NRP2: variants seen among roughly 807,000 people sequenced by gnomAD.
NRP2 encodes neuropilin-2.
Under a neutral mutation model 110.4 loss-of-function variants are expected in NRP2, and 52 were observed. The ratio of observed to expected loss-of-function variants is 0.47; its 90% CI spans 0.38 to 0.59. The LOEUF (loss-of-function observed/expected upper bound fraction) is 0.59. NRP2 is among the 20% of genes least tolerant of loss of function. The pLI is 0.00. For missense variants in NRP2, 1,049 were observed against 1,203.0 expected (o/e 0.87, Z 1.89); for synonymous variants, 508 against 468.9 (o/e 1.08, Z -1.08).
At chr2:205,723,967 T>C (rs780228623) in intron 5 of NRP2, 27 bp downstream of exon 5, 5 of 1,613,494 alleles carry the variant, frequency 3.1e-6, no homozygotes, top group South Asian at 2.2e-5. Context: ...GGAACCTCTG[T>C]CCTGTCCTTC....
chr2:205,778,611 T>C (rs1204859354), intron 15 of NRP2: 1 of 152,182 alleles, frequency 6.6e-6, no homozygotes, highest in Non-Finnish European at 1.5e-5. Context: ...GCCTGCGAAA[T>C]GATTGACATT....
intron 10 of NRP2, among the ~76,000 whole-genome samples, chr2:205,748,591 A>G (rs192487147): frequency 1.3e-5 from 2 of 152,344 alleles, no homozygotes; most frequent in South Asian, 2.1e-4. Flanking sequence ...AAAGCTATTC[A>G]GCGTATTTAG....
chr2:205,770,026 C>T (rs1281238539), intron 15 of NRP2, among the ~76,000 whole-genome samples: 3 of 152,032 alleles, frequency 2.0e-5, no homozygotes, highest in South Asian at 2.1e-4. Flanking sequence ...AGTTTTTGTT[C>T]GTGTTAGAGG....
chr2:205,764,224 A>G (rs2057873888), intron 13 of NRP2: 1 of 449,670 alleles, frequency 2.2e-6, no homozygotes, highest in Admixed American at 3.9e-5. Context: ...TGACAAAGGG[A>G]CACAGAAGCC....
intron 1 of NRP2, among the ~76,000 whole-genome samples, chr2:205,690,579 T>TACACAC (rs10591632): frequency 3.5e-3 from 430 of 124,266 alleles, no homozygotes; most frequent in South Asian, 0.01. Context: ...CTGCTAAAAA[T>TACACAC]ACACACACAC....
At chr2:205,741,098 C>G (rs188490482) in intron 8 of NRP2, among the ~76,000 whole-genome samples, 1 of 152,214 alleles carries the variant, frequency 6.6e-6, no homozygotes, top group Non-Finnish European at 1.5e-5. Context: ...GCTGCCTCAA[C>G]CGGGGGCCAA....
chr2:205,794,709 A>C (rs777513278), intron 16 of NRP2, 45 bp from the exon 17 acceptor site: 1 of 1,598,306 alleles, frequency 6.3e-7, no homozygotes, highest in Admixed American at 1.7e-5. Context: ...CTTCACCCTG[A>C]CATAGGCAGT....
intron 7 of NRP2, among the ~76,000 whole-genome samples, chr2:205,731,065 A>C (rs2057229366): frequency 2.0e-5 from 3 of 152,232 alleles, no homozygotes; most frequent in South Asian, 4.1e-4. Context: ...CCACATGCAC[A>C]GCACATCCCA....
intron 2 of NRP2, among the ~76,000 whole-genome samples, chr2:205,700,092 T>C (rs910928171): frequency 1.3e-5 from 2 of 152,200 alleles, no homozygotes; most frequent in African/African-American, 4.8e-5. Context: ...TTGCCATAAA[T>C]GGGCTTCCCC....
intron 5 of NRP2, among the ~76,000 whole-genome samples, chr2:205,724,707 G>A (rs2057093411): frequency 7.9e-6 from 1 of 125,790 alleles, no homozygotes; most frequent in African/African-American, 3.2e-5. Context: ...CTGTTGCCCA[G>A]GCTGGAGTGC....
rs2057048815 is a variant in NRP2 at position 205,722,833 on chromosome 2, T to C, written c.664+125T>C. ...GAGTTCTTATATGACCCATGGTGAC[T>C]TTCTCTTCTTCCCCTTCACTAAGGA... On this transcript the variant is annotated intron_variant, in intron 4 of 16. Transcript: ENST00000357785. The C allele has an allele frequency of 9.3e-6, 7 of 748,776 alleles. No homozygotes were observed. The Admixed American group carries it at 1.5e-4, about 16-fold the overall frequency. 46.4% of individuals were successfully genotyped at this position (748,776 alleles called of 1,614,324 possible).
intron 2 of NRP2, among the ~76,000 whole-genome samples, chr2:205,707,036 T>C (rs1325724202): frequency 6.6e-6 from 1 of 152,234 alleles, no homozygotes; most frequent in Non-Finnish European, 1.5e-5. Context: ...GTTCCCTTTC[T>C]TGTAGAAGCT....
Position 205,686,241 on chromosome 2 carries a change from A to G in NRP2, c.73+2878A>G, listed in dbSNP as rs151177296. Among the ~76,000 whole-genome samples the G allele has an allele frequency of 3.2e-3, 490 of 151,184 alleles. 3 individuals are homozygous for G. The highest frequency in any genetic ancestry group is 0.012 in the African/African-American group (479 of 41,342). ...TGCCCTCCTCCTCCTCCTCCTCCTA[A>G]GGACACCCCCAGGGAAAAGCCTGCG... On this transcript the variant is annotated intron_variant, in intron 1 of 16. Transcript: ENST00000357785. This position sits in a 1 kb window ranked among gnomAD's most constrained non-coding sequence, Gnocchi z 4.7.
At chr2:205,776,841 G>A in intron 15 of NRP2, 1 of 1,280,392 alleles carries the variant, frequency 7.8e-7, no homozygotes, top group Non-Finnish European at 1.0e-6. Context: ...TCCAGAGACT[G>A]GTTCGCTTGT....
At chr2:205,711,065 C>A (rs1181991057) in intron 2 of NRP2, among the ~76,000 whole-genome samples, 1 of 152,200 alleles carries the variant, frequency 6.6e-6, no homozygotes, top group Non-Finnish European at 1.5e-5. Flanking sequence ...ACCAGAATAG[C>A]TCAGTAAATG....
At chr2:205,769,744 A>G (rs1012959835) in intron 15 of NRP2, among the ~76,000 whole-genome samples, 6 of 152,108 alleles carry the variant, frequency 3.9e-5, no homozygotes, top group African/African-American at 1.4e-4. Context: ...TTTCTTTTTT[A>G]AAGCAGTGGC....
At chr2:205,743,179 T>G in intron 8 of NRP2, 24 bp from the exon 9 acceptor site, 2 of 1,606,846 alleles carry the variant, frequency 1.2e-6, no homozygotes, top group South Asian at 1.1e-5. Flanking sequence ...CATGACCTCT[T>G]GTATCTTCCT....
intron 12 of NRP2, chr2:205,759,793 T>C (rs2105911219): frequency 6.6e-6 from 1 of 152,316 alleles, no homozygotes; most frequent in African/African-American, 2.4e-5. Flanking sequence ...AGGGAGTGTG[T>C]AGAGTGATAT....
At chr2:205,704,338 T>C (rs998580968) in intron 2 of NRP2, among the ~76,000 whole-genome samples, 2 of 152,342 alleles carry the variant, frequency 1.3e-5, no homozygotes, top group East Asian at 3.9e-4. Flanking sequence ...GAGGGTGCCT[T>C]GTGCTTGTTG....
Sources: gnomAD v4.1 joint callset for allele counts (sites outside exome capture counted in the v4.1 genomes callset) on GRCh38, gnomAD v4.1.1 for gene constraint, Gnocchi (gnomAD v3.1) non-coding constraint, MANE v1.5 for transcripts, NCBI Gene and HGNC (gene_info 2026-07-23, HGNC 2026-07-21) for gene names.